The following ALS2 variants were observed in gnomAD, a reference collection of about 807,000 sequenced individuals.
The protein encoded by ALS2 is alsin Rho guanine nucleotide exchange factor ALS2, also known as alsin.
ALS2 carries 117 observed loss-of-function variants against 203.4 expected under a neutral mutation model. The observed-to-expected ratio is 0.58, with a 90% CI of 0.50 to 0.67. The LOEUF is 0.67. ALS2 is among the 30% of genes least tolerant of loss of function. ALS2 has a pLI of 0.00. For missense variants in ALS2, 1,715 were observed against 1,989.4 expected, an observed-to-expected ratio of 0.86 and a Z score of 2.62; for synonymous variants, 718 against 725.9, an observed-to-expected ratio of 0.99 and a Z score of 0.17.
intron 3 of ALS2, among the ~76,000 whole-genome samples, chr2:201,766,746 G>A: frequency 7.2e-6 from 1 of 139,232 alleles, no homozygotes; most frequent in African/African-American, 2.5e-5. Context: ...TATACACCAT[G>A]GAATACTATG....
chr2:201,731,453 T>G (rs1434883212), intron 13 of ALS2, among the ~76,000 whole-genome samples: 1 of 152,150 alleles, frequency 6.6e-6, no homozygotes, highest in Non-Finnish European at 1.5e-5. Flanking sequence ...TGTAAAAGGC[T>G]GATGATGAAA....
intron 23 of ALS2, among the ~76,000 whole-genome samples, chr2:201,721,170 T>A (rs1368823640): frequency 1.3e-5 from 2 of 152,184 alleles, no homozygotes; most frequent in Admixed American, 6.5e-5. Context: ...AAATTAAAGA[T>A]GTAAATAAAC....
At chr2:201,710,514 G>A (rs1400396995) in intron 26 of ALS2, among the ~76,000 whole-genome samples, 1 of 151,898 alleles carries the variant, frequency 6.6e-6, no homozygotes, top group East Asian at 1.9e-4. Flanking sequence ...ATGTTACCTT[G>A]GAGAAAACTA....
chr2:201,732,554 C>T (rs762443635), intron 13 of ALS2, among the ~76,000 whole-genome samples: 6 of 151,950 alleles, frequency 3.9e-5, no homozygotes, highest in African/African-American at 1.2e-4. Context: ...AGTGACAGAA[C>T]GAGACTCTGT....
rs1039576686 is a variant in ALS2 at position 201,774,159 on chromosome 2, TG to T, written c.-60-5215del. ...TGAAGGGTTTTCTTTTGCTGGAGGTTGGGGAGATGGGAGGAAGCTGAATATG... is the reference window on the plus strand; with the variant it reads ...TGAAGGGTTTTCTTTTGCTGGAGGTTGGGAGATGGGAGGAAGCTGAATATG... On this transcript the variant is annotated intron_variant, in intron 1 of 33. Transcript: ENST00000264276. Among the ~76,000 whole-genome samples, 78 of 152,166 alleles carry T rather than the reference TG, an allele frequency of 5.1e-4. 1 individual carries two copies. The highest frequency in any genetic ancestry group is 9.7e-4 in the East Asian group (5 of 5,164).
intron 3 of ALS2, among the ~76,000 whole-genome samples, chr2:201,764,638 T>TAAAC (rs1693977474): frequency 3.2e-5 from 2 of 62,246 alleles, no homozygotes; most frequent in South Asian, 9.6e-4. Flanking sequence ...CGTCTCAAAA[T>TAAAC]AAATAAATAA....
intron 13 of ALS2, among the ~76,000 whole-genome samples, chr2:201,730,973 T>C (rs964268532): frequency 1.3e-5 from 2 of 152,202 alleles, no homozygotes; most frequent in African/African-American, 4.8e-5. Flanking sequence ...ATGAAAATAG[T>C]TTTGACCTTG....
At chr2:201,724,193 T>C (rs1691001512) in intron 21 of ALS2, 102 bp downstream of exon 21, 2 of 1,231,154 alleles carry the variant, frequency 1.6e-6, no homozygotes, top group African/African-American at 3.0e-5. Flanking sequence ...GAAATCTTAC[T>C]AATCTCCATG....
intron 32 of ALS2, 66 bp from the exon 33 acceptor site, chr2:201,704,284 G>A: frequency 6.5e-7 from 1 of 1,528,206 alleles, no homozygotes; most frequent in Non-Finnish European, 9.1e-7. Flanking sequence ...TTTGAATCTA[G>A]TTGATGGGAA....
Position 201,728,652 on chromosome 2 carries a change from G to A in ALS2, c.2713-12C>T. On this transcript the variant is annotated splice_polypyrimidine_tract_variant and intron_variant, in intron 14 of 33. Transcript: ENST00000264276. ...TTCCTCAAGGAATCCTGGAATTAAA[G>A]ACAAATATAATACAAGTCAAACAAT... The A allele has an allele frequency of 6.2e-7, 1 of 1,613,344 alleles. No homozygotes were observed. Among genetic ancestry groups the A allele is most frequent in the Non-Finnish European group, 8.5e-7 (1 of 1,179,488 alleles).
chr2:201,747,462 CTT>C (rs35304479), intron 8 of ALS2, among the ~76,000 whole-genome samples: 208 of 133,656 alleles, frequency 1.6e-3, no homozygotes, highest in African/African-American at 3.5e-3. Context: ...CACTCGGTCG[CTT>C]TTTTTTTTTT....
At chr2:201,739,168 G>A (rs1342896700) in intron 11 of ALS2, among the ~76,000 whole-genome samples, 1 of 147,592 alleles carries the variant, frequency 6.8e-6, no homozygotes, top group African/African-American at 2.5e-5. Context: ...GAGCCTGGGA[G>A]GTTGAGGCTG....
At chr2:201,761,859 A>G (rs1693792346) in intron 3 of ALS2, 41 bp from the exon 4 acceptor site, 3 of 1,603,540 alleles carry the variant, frequency 1.9e-6, no homozygotes, top group Non-Finnish European at 8.5e-7. Context: ...AAAAAGGGTT[A>G]GTGAATTAAC....
intron 23 of ALS2, 62 bp from the exon 24 acceptor site, chr2:201,718,272 T>C: frequency 6.4e-7 from 1 of 1,555,574 alleles, no homozygotes; most frequent in Non-Finnish European, 8.8e-7. Context: ...TTCATTTATT[T>C]ATTTAGAGAC....
rs1689404159 is a variant in ALS2 at position 201,701,748 on chromosome 2, C to G, written c.*103G>C. The G allele has an allele frequency of 1.8e-6, 2 of 1,133,542 alleles. No individual in the cohort carries two copies. The highest frequency in any genetic ancestry group is 3.5e-5 in the Admixed American group (2 of 56,412). 70.2% of individuals were successfully genotyped at this position (1,133,542 alleles called of 1,614,324 possible). A position where few individuals can be genotyped will look rare whatever the true frequency, so the allele number is the denominator to read the frequency against. ...CTAACAACCTAAATAACACAAAGTC[C>G]TTTCCAATTTCAACACTGTTCTTTT... On this transcript the variant is annotated 3_prime_UTR_variant, in exon 34 of 34. Transcript: ENST00000264276.
At position 201,704,114 on chromosome 2, in the gene ALS2, A is replaced by G; in HGVS notation, c.4935+8T>C. 6.3e-7 allele frequency: 1 copy of G among 1,594,946 alleles called. No individual in the cohort carries two copies. The highest frequency in any genetic ancestry group is 8.6e-7 in the Non-Finnish European group (1 of 1,162,648). ...GATAAGAAAGTATTAAATAATAACT[A>G]TACTCACCTTCAAGGTGGTGAACAT... On this transcript the variant is annotated splice_region_variant and intron_variant, in intron 33 of 33. Coordinates refer to ENST00000264276, the MANE Select transcript of ALS2 (RefSeq NM_020919.4).
chr2:201,741,718 CA>C lies in ALS2; in HGVS notation c.2306del (p.Leu769TrpfsTer4), dbSNP rs1413375825. 1 of 1,614,078 alleles carries C rather than the reference CA, an allele frequency of 6.2e-7. No individual in the cohort carries two copies. Among genetic ancestry groups the C allele is most frequent in the Non-Finnish European group, 8.5e-7 (1 of 1,180,018 alleles). On this transcript the variant is annotated frameshift_variant, in exon 11 of 34. Transcript: ENST00000264276. LOFTEE classifies it high-confidence loss of function. ...AGAGACTTGAATGCTTCAGGATGAC[CA>C]AACTCCTGGCTTCCTTTACCCCATG... ...FLHGVKEARS[L>X]VILKHSSLFL...
chr2:201,712,204 C>CTT (rs1690075843), intron 25 of ALS2, among the ~76,000 whole-genome samples: 1 of 152,162 alleles, frequency 6.6e-6, no homozygotes, highest in African/African-American at 2.4e-5. Flanking sequence ...ATTAGATAAA[C>CTT]TCTAAACTAA....
chr2:201,723,265 T>C, intron 22 of ALS2, 65 bp downstream of exon 22: 1 of 1,457,688 alleles, frequency 6.9e-7, no homozygotes, highest in Non-Finnish European at 9.6e-7. Context: ...AAAGATGATT[T>C]AAAAAGTTAA....
Sources: gnomAD v4.1 joint callset for allele counts (sites outside exome capture counted in the v4.1 genomes callset) on GRCh38, gnomAD v4.1.1 for gene constraint, MANE v1.5 for transcripts, NCBI Gene and HGNC (gene_info 2026-07-23, HGNC 2026-07-21) for gene names.